FTSJ3: variants seen among roughly 807,000 people sequenced by gnomAD.
The protein encoded by FTSJ3 is FtsJ RNA 2'-O-methyltransferase 3, also known as pre-rRNA 2'-O-ribose RNA methyltransferase FTSJ3.
A neutral mutation model predicts 111.5 loss-of-function variants in FTSJ3; 46 were observed. The ratio of observed to expected loss-of-function variants is 0.41; its 90% CI spans 0.33 to 0.53. The LOEUF is 0.53. Among genes scored for constraint, FTSJ3 ranks in the 20% least tolerant of loss-of-function variants. The pLI is 0.19. For synonymous variants in FTSJ3, 408 were observed against 383.0 expected (o/e 1.07, Z -0.76); for missense variants, 1,075 against 1,063.8 (o/e 1.01, Z -0.15).
In FTSJ3 at chr17:63,821,422, G is replaced by A. The variant is rs115159440; in HGVS notation, c.1818C>T (p.Gly606=). 17 of 1,614,084 alleles carry A rather than the reference G, an allele frequency of 1.1e-5. No individual in the cohort carries two copies. Among genetic ancestry groups the A allele is most frequent in the East Asian group, 2.2e-5 (1 of 44,884 alleles). The change falls in exon 16 of 21, where the codon GGC becomes GGT. Residue 606 remains glycine (G), a synonymous_variant. Coordinates refer to ENST00000427159, the MANE Select transcript of FTSJ3 (RefSeq NM_017647.4). ...TGCCATCCTTTTCTTCCCCTTCAAG[G>A]CCAGTGGCAGCTTCTGTCCCCGAAG... The part of the protein sequence containing the change: ...EASSGTEAAT[G]LEGEEKDGIS...
intron 11 of FTSJ3, 32 bp downstream of exon 11, chr17:63,824,299 T>G (rs1393288649): frequency 1.2e-6 from 2 of 1,614,036 alleles, no homozygotes; most frequent in Non-Finnish European, 1.7e-6. Flanking sequence ...GGACACCCAG[T>G]CCACACCTGC....
chr17:63,821,331 T>C (rs552960528), intron 16 of FTSJ3, 23 bp downstream of exon 16: 2 of 1,587,560 alleles, frequency 1.3e-6, no homozygotes, highest in East Asian at 2.2e-5. Flanking sequence ...TTTCCATCCC[T>C]TCTCTCAGCT....
In FTSJ3 at chr17:63,827,155, G is replaced by T. The variant is rs2040116695; in HGVS notation, c.-130C>A. On this transcript the variant is annotated 5_prime_UTR_variant, in exon 1 of 21. Transcript: ENST00000427159. ...CTGCGTCCCTGGCTCGAGGTTTTCCGCCATTTTGAGTGTGGCCCTAGATTG... is the reference window on the plus strand; with the variant it reads ...CTGCGTCCCTGGCTCGAGGTTTTCCTCCATTTTGAGTGTGGCCCTAGATTG... The T allele has an allele frequency of 1.6e-6, 1 of 606,192 alleles. No individual in the cohort carries two copies. Among genetic ancestry groups the T allele is most frequent in the African/African-American group, 1.9e-5 (1 of 54,006 alleles). The allele number at this position is 606,192 out of a possible 1,614,324, so 37.6% of individuals were successfully genotyped here.
rs1479383489 is a variant in FTSJ3, at chr17:63,826,911, G to T, written c.-9C>A. 9 of 1,612,086 alleles carry T rather than the reference G, an allele frequency of 5.6e-6. No homozygotes were observed. The highest frequency in any genetic ancestry group is 5.3e-5 in the African/African-American group (4 of 74,860). ...TTGCCCTTCTTGCCCATGGTGGAAA[G>T]GGGGAGTATCCCTCAATCTGGGGAG... is the stretch of plus-strand genomic sequence containing the variant. On this transcript the variant is annotated 5_prime_UTR_variant, in exon 2 of 21. Coordinates refer to ENST00000427159, the MANE Select transcript of FTSJ3 (RefSeq NM_017647.4).
chr17:63,822,232 T>C (rs893417540), intron 13 of FTSJ3, 64 bp from the exon 14 acceptor site: 39 of 1,375,306 alleles, frequency 2.8e-5, no homozygotes, highest in African/African-American at 4.3e-5. Context: ...TTTTTCTGTG[T>C]CCCTCACCTC....
chr17:63,821,217 G>T, intron 16 of FTSJ3, 102 bp from the exon 17 acceptor site: 2 of 1,517,828 alleles, frequency 1.3e-6, no homozygotes, highest in South Asian at 2.3e-5. Context: ...CTGTACCCCA[G>T]ACCAGTTAAA....
At position 63,819,596 on chromosome 17, in the gene FTSJ3, T is replaced by C. The variant is rs2144600191; in HGVS notation, c.*206A>G. On this transcript the variant is annotated 3_prime_UTR_variant, in exon 21 of 21. Coordinates refer to ENST00000427159, the MANE Select transcript of FTSJ3 (RefSeq NM_017647.4). ...TGAGTGTCAACACAGTTCAGCAGTG[T>C]TTTCATGGGAGACCTTCAGGCAGGC... 1.7e-6 allele frequency: 1 copy of C among 572,064 alleles called. No individual in the cohort carries two copies. The highest frequency in any genetic ancestry group is 3.1e-6 in the Non-Finnish European group (1 of 322,658). The allele number at this position is 572,064 out of a possible 1,614,324, so 35.4% of individuals were successfully genotyped here.
At position 63,825,129 on chromosome 17, in the gene FTSJ3, G is replaced by T. The variant is rs1456609717; in HGVS notation, c.630C>A (p.Phe210Leu). 6.2e-7 allele frequency: 1 copy of T among 1,614,146 alleles called. No homozygotes were observed. Among genetic ancestry groups the T allele is most frequent in the Admixed American group, 1.7e-5 (1 of 60,016 alleles). ...FLAPDKVDSK[F>L]FDPKFAFKEV... is the part of the protein sequence containing the mutation. ...CCTTAAAGGCAAATTTGGGGTCAAA[G>T]AATTTACTGTCAACCTTGTCAGGGG... is the stretch of plus-strand genomic sequence containing the variant. The change falls in exon 8 of 21, where the codon TTC becomes TTA. Residue 210 changes from phenylalanine (F) to leucine (L), a missense_variant. Phe to Leu is a conservative substitution (Grantham distance 22). Coordinates refer to ENST00000427159, the MANE Select transcript of FTSJ3 (RefSeq NM_017647.4).
chr17:63,821,589 C>A lies in FTSJ3; in HGVS notation c.1651G>T (p.Ala551Ser), dbSNP rs754838933. ...CGCCGGTTCTCAAATAACAGCTGGG[C>A]CTGACTGATCTCCAGGGCCTCATCG... ...DADEALEISQ[A>S]QLLFENRRKG... The change falls in exon 16 of 21, where the codon GCC (alanine) becomes TCC (serine). Residue 551 changes from alanine to serine, a missense_variant. Physicochemically the swap from Ala to Ser is moderately conservative, Grantham distance 99. Coordinates refer to ENST00000427159, the MANE Select transcript of FTSJ3 (RefSeq NM_017647.4). 2.2e-5 allele frequency: 36 copies of A among 1,613,898 alleles called. No individual in the cohort carries two copies. Among genetic ancestry groups the A allele is most frequent in the Non-Finnish European group, 2.8e-5 (33 of 1,179,960 alleles).
At position 63,820,423 on chromosome 17, in the gene FTSJ3, C is replaced by T; in HGVS notation, c.2088G>A (p.Glu696=). 1 of 1,614,106 alleles carries T rather than the reference C, an allele frequency of 6.2e-7. No individual in the cohort carries two copies. The highest frequency in any genetic ancestry group is 8.5e-7 in the Non-Finnish European group (1 of 1,179,968). ...ACCACTCCGGAAGCTCCCCCTCATC[C>T]TCATTAAATGTGTACCTGAGTGGAA... ...DNSFNRYTFN[E]DEGELPEWFV... Residue 696 remains glutamate (E), a synonymous_variant, in exon 19 of 21, where the codon GAG becomes GAA. Coordinates refer to ENST00000427159, the MANE Select transcript of FTSJ3 (RefSeq NM_017647.4).
chr17:63,820,297 G>T lies in FTSJ3; in HGVS notation c.2214C>A (p.Pro738=). ...RKRWREINAR[P]IKKVAEAKAR... ...CCTTAGCCTCAGCCACCTTCTTGAT[G>T]GGACGTGCATTGATTTCCCGCCAGC... is the stretch of plus-strand genomic sequence containing the variant. Residue 738 remains proline, a synonymous_variant, in exon 19 of 21, where the codon CCC becomes CCA. Transcript: ENST00000427159. 2 of 1,604,396 alleles carry T rather than the reference G, an allele frequency of 1.2e-6. No individual in the cohort carries two copies. Among genetic ancestry groups the T allele is most frequent in the Non-Finnish European group, 1.7e-6 (2 of 1,178,556 alleles).
At position 63,826,680 on chromosome 17, in the gene FTSJ3, A is replaced by G; in HGVS notation, c.68-8T>C. The G allele has an allele frequency of 1.2e-6, 2 of 1,611,890 alleles. No individual in the cohort carries two copies. Among genetic ancestry groups the G allele is most frequent in the South Asian group, 2.2e-5 (2 of 91,018 alleles). ...CAGATCGGGAACGGTAACCTGGACA[A>G]AACAACCAAGTGCGCAAACTGCTTC... On this transcript the variant is annotated splice_region_variant and splice_polypyrimidine_tract_variant and intron_variant, in intron 2 of 20. Transcript: ENST00000427159.
chr17:63,824,047 G>T, intron 12 of FTSJ3, 37 bp downstream of exon 12: 1 of 1,613,888 alleles, frequency 6.2e-7, no homozygotes, highest in Non-Finnish European at 8.5e-7. Context: ...CAGTCCCTGC[G>T]TTGGGGAACT....
Position 63,821,467 on chromosome 17 carries a change from G to A in FTSJ3, c.1773C>T (p.Ala591=), listed in dbSNP as rs763185483. The A allele has an allele frequency of 1.9e-6, 3 of 1,614,070 alleles. No homozygotes were observed. Among genetic ancestry groups the A allele is most frequent in the Non-Finnish European group, 1.7e-6 (2 of 1,180,050 alleles). Residue 591 remains alanine, a synonymous_variant, in exon 16 of 21, where the codon GCC becomes GCT. Coordinates refer to ENST00000427159, the MANE Select transcript of FTSJ3 (RefSeq NM_017647.4). ...CCGAAGAAGCCTCTGTTCCCTTAGG[G>A]GCTTCATCTTGGTACAGGGGAGACA... is the stretch of plus-strand genomic sequence containing the variant. ...EIMSPLYQDE[A]PKGTEASSGT...
rs763471569 is a variant in FTSJ3, at chr17:63,820,181, G to A, written c.2257-8C>T. The A allele has an allele frequency of 3.7e-6, 6 of 1,614,054 alleles. No homozygotes were observed. Among genetic ancestry groups the A allele is most frequent in the Non-Finnish European group, 5.1e-6 (6 of 1,180,008 alleles). ...CTCCAGCCTCTTCAGCATCTGCAAA[G>A]GAACCTGTCAGGTGACCTCTTCCCC... On this transcript the variant is annotated splice_polypyrimidine_tract_variant and splice_region_variant and intron_variant, in intron 19 of 20. Coordinates refer to ENST00000427159, the MANE Select transcript of FTSJ3 (RefSeq NM_017647.4).
At chr17:63,825,989 T>G (rs1244233811) in intron 5 of FTSJ3, 67 bp downstream of exon 5, 1 of 1,359,512 alleles carries the variant, frequency 7.4e-7, no homozygotes, top group African/African-American at 1.5e-5. Context: ...AAAACTTGCC[T>G]TTAGAGGATT....
Position 63,825,084 on chromosome 17 carries a change from C to T in FTSJ3, c.675G>A (p.Lys225=). The change falls in exon 8 of 21, where the codon AAG becomes AAA. Residue 225 remains lysine (K), a synonymous_variant. Coordinates refer to ENST00000427159, the MANE Select transcript of FTSJ3 (RefSeq NM_017647.4). Reference sequence around the variant, plus strand: ...TCTTAGTAACCAATTCAGTAACGGTCTTAGCCTGAACTTCAACCTCCTTAA... The same window carrying T: ...TCTTAGTAACCAATTCAGTAACGGTTTTAGCCTGAACTTCAACCTCCTTAA... ...FAFKEVEVQA[K]TVTELVTKKK... is the part of the protein sequence containing the mutation. The T allele has an allele frequency of 1.2e-6, 2 of 1,614,196 alleles. No individual in the cohort carries two copies.
Position 63,824,904 on chromosome 17 carries a change from A to C in FTSJ3, c.737T>G (p.Leu246Arg), listed in dbSNP as rs2040083676. The change falls in exon 9 of 21, where the codon CTC becomes CGC. Residue 246 changes from leucine to arginine, a missense_variant. Leu to Arg is a moderately radical substitution (Grantham distance 102). Coordinates refer to ENST00000427159, the MANE Select transcript of FTSJ3 (RefSeq NM_017647.4). ...GACTGAGGTACGGTGATAGAGAGTG[A>C]GGTCACCCTCAGCATAGCCTTCAGC... ...PKAEGYAEGD[L>R]TLYHRTSVTD... 1 of 1,589,886 alleles carries C rather than the reference A, an allele frequency of 6.3e-7. No individual in the cohort carries two copies. Among genetic ancestry groups the C allele is most frequent in the African/African-American group, 1.3e-5 (1 of 74,590 alleles).
chr17:63,819,968 T>C lies in FTSJ3; in HGVS notation c.2378A>G (p.Lys793Arg), dbSNP rs749652084. Residue 793 changes from lysine (K) to arginine (R), a missense_variant, in exon 21 of 21, where the codon AAG becomes AGG. Lys to Arg is a conservative substitution (Grantham distance 26). Coordinates refer to ENST00000427159, the MANE Select transcript of FTSJ3 (RefSeq NM_017647.4). ...RSLYKKAGLG[K>R]EKRHVTYVVA... ...AACGTAGGTGACATGGCGTTTCTCCTTGCCAAGCCCAGCCTTCTTGTAGAG... is the reference window on the plus strand; with the variant it reads ...AACGTAGGTGACATGGCGTTTCTCCCTGCCAAGCCCAGCCTTCTTGTAGAG... 1.2e-6 allele frequency: 2 copies of C among 1,614,192 alleles called. No individual in the cohort carries two copies. Among genetic ancestry groups the C allele is most frequent in the Non-Finnish European group, 1.7e-6 (2 of 1,180,032 alleles).
Sources: allele counts gnomAD v4.1 joint callset, GRCh38; gene constraint gnomAD v4.1.1; transcripts MANE v1.5; gene names NCBI Gene and HGNC (gene_info 2026-07-23, HGNC 2026-07-21).